Variants in ENOX2 observed in about 807,000 individuals in gnomAD.
ENOX2 encodes APK1 antigen.
ENOX2 carries 36 observed loss-of-function variants against 45.0 expected under a neutral mutation model. That is an observed-to-expected ratio of 0.80 (90% CI 0.61 to 1.06). The LOEUF is 1.06. Ranked by LOEUF, ENOX2 falls within the 50% of genes least tolerant of loss-of-function variation. The pLI is 0.00. For synonymous variants in ENOX2, 174 were observed against 152.3 expected, an observed-to-expected ratio of 1.14 and a Z score of -1.05; for missense variants, 423 against 462.5, an observed-to-expected ratio of 0.91 and a Z score of 0.78.
chrX:130,718,982 G>A (rs2038401791), intron 3 of ENOX2, among the ~76,000 whole-genome samples: 1 of 112,094 alleles, frequency 8.9e-6, no homozygotes. Flanking sequence ...CGAAATGTAT[G>A]CAAGATGTGC....
intron 11 of ENOX2, 68 bp downstream of exon 11, chrX:130,637,161 G>A (rs2035952027): frequency 3.5e-6 from 3 of 860,701 alleles, no homozygotes; most frequent in Non-Finnish European, 5.2e-6. Context: ...TGATTGCAGG[G>A]GACCCTTTTA....
At chrX:130,865,383 G>A (rs1398092511) in intron 2 of ENOX2, among the ~76,000 whole-genome samples, 2 of 111,538 alleles carry the variant, frequency 1.8e-5, no homozygotes, top group Non-Finnish European at 3.8e-5. Flanking sequence ...AAGGCTAAAC[G>A]ATCTACCTCC....
At chrX:130,824,224 T>A (rs1451712316) in intron 2 of ENOX2, among the ~76,000 whole-genome samples, 2 of 111,577 alleles carry the variant, frequency 1.8e-5, no homozygotes, top group East Asian at 5.5e-4. Context: ...ACAAATAACA[T>A]GATATCTACC....
chrX:130,649,866 T>C (rs1006305434), intron 10 of ENOX2, among the ~76,000 whole-genome samples: 2 of 111,775 alleles, frequency 1.8e-5, no homozygotes, highest in Admixed American at 9.5e-5. Flanking sequence ...TACAAAACTC[T>C]ATAGAAAAAG....
intron 5 of ENOX2, among the ~76,000 whole-genome samples, chrX:130,682,021 C>A (rs963432143): frequency 2.8e-5 from 3 of 107,569 alleles, no homozygotes; most frequent in Non-Finnish European, 3.9e-5. Flanking sequence ...CACAACCCCC[C>A]CCCCCACCGA....
chrX:130,871,106 C>G (rs2078578597), intron 2 of ENOX2, among the ~76,000 whole-genome samples: 1 of 111,532 alleles, frequency 9.0e-6, no homozygotes, highest in Non-Finnish European at 1.9e-5. Context: ...AAGGCTAGTG[C>G]AAAGAAGGGA....
chrX:130,850,747 C>T (rs762919371), intron 2 of ENOX2, among the ~76,000 whole-genome samples: 1 of 112,387 alleles, frequency 8.9e-6, no homozygotes, highest in East Asian at 2.8e-4. Context: ...TCACATGCTG[C>T]AAGTAAGGAA....
chrX:130,652,475 C>G (rs1400706367), intron 10 of ENOX2, among the ~76,000 whole-genome samples: 1 of 112,180 alleles, frequency 8.9e-6, no homozygotes, highest in Non-Finnish European at 1.9e-5. Context: ...TTCTTCAACT[C>G]TAATTTGAAT....
At chrX:130,785,932 AAAAG>A (rs1359578319) in intron 2 of ENOX2, among the ~76,000 whole-genome samples, 5 of 112,700 alleles carry the variant, frequency 4.4e-5, no homozygotes, top group African/African-American at 1.6e-4. Flanking sequence ...CATAATGTGT[AAAAG>A]AGAGTGATAA....
intron 2 of ENOX2, among the ~76,000 whole-genome samples, chrX:130,869,525 A>C (rs2078538573): frequency 9.0e-6 from 1 of 111,462 alleles, no homozygotes; most frequent in South Asian, 3.8e-4. Flanking sequence ...TGTGTCAGGC[A>C]CTGTTCTAAA....
chrX:130,678,374 C>G (rs180743722), intron 6 of ENOX2, among the ~76,000 whole-genome samples: 1 of 111,321 alleles, frequency 9.0e-6, no homozygotes, highest in African/African-American at 3.3e-5. Context: ...GATCATGTCA[C>G]TGAATTCCTT....
intron 2 of ENOX2, among the ~76,000 whole-genome samples, chrX:130,784,897 T>C (rs1160767861): frequency 9.2e-6 from 1 of 108,484 alleles, no homozygotes; most frequent in African/African-American, 3.4e-5. Flanking sequence ...CCATAGCTCA[T>C]TCTTTAACTC....
At chrX:130,673,538 T>C (rs1275100618) in intron 6 of ENOX2, among the ~76,000 whole-genome samples, 1 of 104,949 alleles carries the variant, frequency 9.5e-6, no homozygotes, top group African/African-American at 3.5e-5. Flanking sequence ...GAAAATACAG[T>C]CGGAAGCTTT....
At chrX:130,631,861 C>T (rs1484252637) in intron 12 of ENOX2, among the ~76,000 whole-genome samples, 1 of 101,889 alleles carries the variant, frequency 9.8e-6, no homozygotes, top group Non-Finnish European at 2.0e-5. Flanking sequence ...ATCTGGGCAA[C>T]TAGACCCAAC....
chrX:130,631,188 A>C, intron 13 of ENOX2, among the ~76,000 whole-genome samples: 1 of 111,050 alleles, frequency 9.0e-6, no homozygotes, highest in African/African-American at 3.3e-5. Flanking sequence ...AAAAATCTAC[A>C]GTGTGTTTCT....
chrX:130,666,622 G>A (rs762771724), intron 8 of ENOX2, among the ~76,000 whole-genome samples: 4 of 111,122 alleles, frequency 3.6e-5, no homozygotes, highest in South Asian at 3.8e-4. Flanking sequence ...CCCATGATGC[G>A]TGCTGCTTTC....
chrX:130,736,130 G>A (rs1278920684), intron 3 of ENOX2, among the ~76,000 whole-genome samples: 1 of 111,448 alleles, frequency 9.0e-6, no homozygotes, highest in East Asian at 2.8e-4. Flanking sequence ...TTGGGAGGCC[G>A]AGGTGGGCAG....
At chrX:130,721,020 C>T (rs1286773582) in intron 3 of ENOX2, among the ~76,000 whole-genome samples, 3 of 111,444 alleles carry the variant, frequency 2.7e-5, no homozygotes, top group Non-Finnish European at 5.7e-5. Context: ...ACAGGGGTGA[C>T]CAAGGGAGAT....
intron 2 of ENOX2, among the ~76,000 whole-genome samples, chrX:130,833,875 G>A (rs2077881034): frequency 9.0e-6 from 1 of 111,256 alleles, no homozygotes; most frequent in South Asian, 3.8e-4. Flanking sequence ...TTTATAGGAG[G>A]AAACCTCATA....
Sources: gnomAD v4.1 joint callset for allele counts (sites outside exome capture counted in the v4.1 genomes callset) on GRCh38, gnomAD v4.1.1 for gene constraint, MANE v1.5 for transcripts, NCBI Gene and HGNC (gene_info 2026-07-23, HGNC 2026-07-21) for gene names.